The following LRRC4C variants were observed in gnomAD, a reference collection of about 807,000 sequenced individuals.
LRRC4C encodes the protein leucine-rich repeat-containing protein 4C.
Under a neutral mutation model 33.6 loss-of-function variants are expected in LRRC4C, and 5 were observed. The ratio of observed to expected loss-of-function variants is 0.15; its 90% CI spans 0.08 to 0.31. The LOEUF (loss-of-function observed/expected upper bound fraction) is 0.31. LRRC4C is among the 10% of genes least tolerant of loss of function. The pLI is 1.00. For missense variants in LRRC4C, 560 were observed against 796.7 expected, an observed-to-expected ratio of 0.70 and a Z score of 3.58; for synonymous variants, 329 against 302.0, an observed-to-expected ratio of 1.09 and a Z score of -0.93.
chr11:41,397,139 C>T (rs1953850501), intron 1 of LRRC4C, among the ~76,000 whole-genome samples: 1 of 151,990 alleles, frequency 6.6e-6, no homozygotes, highest in Non-Finnish European at 1.5e-5. Flanking sequence ...AACCATCATG[C>T]TAAGCTATTT....
intron 2 of LRRC4C, among the ~76,000 whole-genome samples, chr11:40,700,395 C>A (rs1945809943): frequency 6.6e-6 from 1 of 152,124 alleles, no homozygotes. Flanking sequence ...AAAATCTTAG[C>A]ACCCTATGGC....
intron 1 of LRRC4C, among the ~76,000 whole-genome samples, chr11:41,180,545 T>G (rs1271760644): frequency 2.0e-5 from 3 of 152,158 alleles, no homozygotes; most frequent in East Asian, 1.9e-4. Context: ...CACTTGCCCT[T>G]TGCAAAGGAA....
At chr11:41,404,562 A>C (rs993264614) in intron 1 of LRRC4C, among the ~76,000 whole-genome samples, 3 of 131,354 alleles carry the variant, frequency 2.3e-5, no homozygotes, top group Non-Finnish European at 4.5e-5. Context: ...ACACACACAC[A>C]CCCCCCGAGG....
chr11:41,259,278 T>A (rs943835126), intron 1 of LRRC4C, among the ~76,000 whole-genome samples: 9 of 152,064 alleles, frequency 5.9e-5, no homozygotes, highest in Admixed American at 5.9e-4. Context: ...GTATTTTGTG[T>A]TATTTTTCTC....
At chr11:40,967,197 AAAG>A (rs1238613562) in intron 1 of LRRC4C, among the ~76,000 whole-genome samples, 4 of 151,878 alleles carry the variant, frequency 2.6e-5, no homozygotes, top group Non-Finnish European at 5.9e-5. Flanking sequence ...GGAAGGGAGA[AAAG>A]AAGGAAGGAA....
intron 1 of LRRC4C, among the ~76,000 whole-genome samples, chr11:41,011,316 G>C (rs1855159475): frequency 6.6e-6 from 1 of 151,918 alleles, no homozygotes; most frequent in Non-Finnish European, 1.5e-5. Context: ...GAAACTCCAA[G>C]ATTAGGCTTT....
intron 1 of LRRC4C, among the ~76,000 whole-genome samples, chr11:41,334,961 A>G (rs1476493107): frequency 1.3e-5 from 2 of 152,166 alleles, no homozygotes; most frequent in Non-Finnish European, 2.9e-5. Flanking sequence ...CCCCACTTAA[A>G]TGCAAATTTT....
chr11:40,918,770 T>A (rs1164548168), intron 2 of LRRC4C, among the ~76,000 whole-genome samples: 2 of 152,052 alleles, frequency 1.3e-5, no homozygotes, highest in African/African-American at 4.8e-5. Flanking sequence ...ATAGCATGGG[T>A]CTCATTTTCA....
chr11:40,979,499 C>T (rs934978344), intron 1 of LRRC4C, among the ~76,000 whole-genome samples: 1 of 152,150 alleles, frequency 6.6e-6, no homozygotes, highest in Non-Finnish European at 1.5e-5. Context: ...ACTCTCATTA[C>T]CACCATTTCT....
At chr11:40,123,817 C>T (rs1856005856) in intron 6 of LRRC4C, among the ~76,000 whole-genome samples, 1 of 152,100 alleles carries the variant, frequency 6.6e-6, no homozygotes, top group African/African-American at 2.4e-5. Flanking sequence ...CTGGAGGAAT[C>T]TCATTACCTA....
intron 1 of LRRC4C, among the ~76,000 whole-genome samples, chr11:40,985,311 A>G (rs1325697734): frequency 1.3e-5 from 2 of 152,108 alleles, no homozygotes; most frequent in Admixed American, 1.3e-4. Flanking sequence ...CCGCTGAGTG[A>G]CTGAAAGATA....
chr11:40,431,126 A>C (rs1290243626), intron 3 of LRRC4C, among the ~76,000 whole-genome samples: 1 of 147,268 alleles, frequency 6.8e-6, no homozygotes, highest in Non-Finnish European at 1.5e-5. Flanking sequence ...TAAATTAAGC[A>C]CATTGTACTT....
chr11:40,845,361 T>A (rs1591865242), intron 2 of LRRC4C, among the ~76,000 whole-genome samples: 2 of 152,146 alleles, frequency 1.3e-5, no homozygotes, highest in East Asian at 3.9e-4. Flanking sequence ...AGTGCCCATA[T>A]GTCCTCATTG....
At chr11:41,038,324 C>T (rs2137930577) in intron 1 of LRRC4C, among the ~76,000 whole-genome samples, 1 of 152,256 alleles carries the variant, frequency 6.6e-6, no homozygotes, top group East Asian at 1.9e-4. Flanking sequence ...GGATCAGATC[C>T]CAAAGGTTTT....
intron 2 of LRRC4C, among the ~76,000 whole-genome samples, chr11:40,722,343 C>T (rs1156746020): frequency 6.6e-6 from 1 of 152,170 alleles, no homozygotes; most frequent in Non-Finnish European, 1.5e-5. Context: ...TAAGGAGGTA[C>T]CGCCGCTAAG....
At chr11:40,425,974 G>A (rs557515096) in intron 3 of LRRC4C, among the ~76,000 whole-genome samples, 1 of 150,500 alleles carries the variant, frequency 6.6e-6, no homozygotes, top group African/African-American at 2.4e-5. Context: ...ACTGTATACT[G>A]TGTTTAATGC....
chr11:40,283,758 G>A (rs1423404278), intron 4 of LRRC4C, among the ~76,000 whole-genome samples: 3 of 120,588 alleles, frequency 2.5e-5, no homozygotes, highest in Non-Finnish European at 4.8e-5. Flanking sequence ...AGGCTGGAGT[G>A]CAATGGCGTG....
intron 4 of LRRC4C, among the ~76,000 whole-genome samples, chr11:40,272,845 T>C (rs1942809372): frequency 6.6e-6 from 1 of 152,100 alleles, no homozygotes; most frequent in Non-Finnish European, 1.5e-5. Context: ...CTTTTTTTTT[T>C]TGTCCCTGCA....
chr11:40,523,833 AC>A (rs1232272500), intron 3 of LRRC4C, among the ~76,000 whole-genome samples: 2 of 152,062 alleles, frequency 1.3e-5, no homozygotes, highest in Non-Finnish European at 2.9e-5. Context: ...TTATTTAAAA[AC>A]CACATACACA....
Sources: gnomAD v4.1 joint callset for allele counts (sites outside exome capture counted in the v4.1 genomes callset) on GRCh38, gnomAD v4.1.1 for gene constraint, MANE v1.5 for transcripts, NCBI Gene and HGNC (gene_info 2026-07-23, HGNC 2026-07-21) for gene names.